The following KCTD1 variants were observed in gnomAD, a reference collection of about 807,000 sequenced individuals.
KCTD1 encodes BTB/POZ domain-containing protein KCTD1.
In KCTD1, 24 loss-of-function variants were observed where a neutral mutation model predicts 66.0. The observed-to-expected ratio is 0.36, with a 90% CI of 0.26 to 0.51. KCTD1 has a LOEUF of 0.51. Ranked by LOEUF, KCTD1 falls within the 20% of genes least tolerant of loss-of-function variation. The probability of loss-of-function intolerance (pLI) is 0.95; values close to 1 mark genes in which losing one functional copy is unlikely to be tolerated. For synonymous variants in KCTD1, 511 were observed against 517.2 expected, an observed-to-expected ratio of 0.99 and a Z score of 0.16; for missense variants, 943 against 1,205.2, an observed-to-expected ratio of 0.78 and a Z score of 3.22.
intron 1 of KCTD1, among the ~76,000 whole-genome samples, chr18:26,523,545 G>A (rs1009594268): frequency 6.6e-6 from 1 of 152,188 alleles, no homozygotes. Flanking sequence ...CAGCTACTCA[G>A]GAGGCTGAGG....
intron 1 of KCTD1, among the ~76,000 whole-genome samples, chr18:26,607,447 T>C (rs776634997): frequency 6.6e-6 from 1 of 152,250 alleles, no homozygotes; most frequent in Non-Finnish European, 1.5e-5. Context: ...ACCTATCCTA[T>C]GATGTGCACC....
At chr18:26,591,737 C>G (rs1986609041) in intron 1 of KCTD1, among the ~76,000 whole-genome samples, 1 of 152,186 alleles carries the variant, frequency 6.6e-6, no homozygotes, top group Non-Finnish European at 1.5e-5. Context: ...AATAAACAAT[C>G]TTGGGACACT....
Position 26,476,826 on chromosome 18 carries a change from G to A in KCTD1, c.1989-167C>T. ...GGTCCCCGCTTGATAAATATCTCAG[G>A]ACGAGACCATTCAAAATAGTCCTAG... On this transcript the variant is annotated intron_variant, in intron 2 of 4. Coordinates refer to ENST00000580059, the MANE Select transcript of KCTD1 (RefSeq NM_001142730.3). This position sits in a 1 kb window ranked among gnomAD's most constrained non-coding sequence, Gnocchi z 4.9. 1 of 602,250 alleles carries A rather than the reference G, an allele frequency of 1.7e-6. No individual in the cohort carries two copies. The highest frequency in any genetic ancestry group is 2.9e-6 in the Non-Finnish European group (1 of 346,432). 37.3% of individuals were successfully genotyped at this position (602,250 alleles called of 1,614,324 possible).
At chr18:26,652,175 A>G (rs1408199088) in intron 1 of KCTD1, among the ~76,000 whole-genome samples, 1 of 152,158 alleles carries the variant, frequency 6.6e-6, no homozygotes, top group East Asian at 1.9e-4. Context: ...TACTACTTAT[A>G]TGCACTTCAG....
At chr18:26,565,785 A>C (rs1985967988) in intron 1 of KCTD1, 2 of 151,728 alleles carry the variant, frequency 1.3e-5, no homozygotes, top group Admixed American at 1.3e-4. Context: ...TTAGCTCAGC[A>C]GTGGTTGCTA....
At chr18:26,614,843 T>A (rs1987215101) in intron 1 of KCTD1, among the ~76,000 whole-genome samples, 1 of 152,256 alleles carries the variant, frequency 6.6e-6, no homozygotes. Flanking sequence ...TGTACAGAGA[T>A]ACCTTTTCTC....
chr18:26,522,023 A>G (rs1983937310), intron 1 of KCTD1, among the ~76,000 whole-genome samples: 1 of 152,228 alleles, frequency 6.6e-6, no homozygotes, highest in Admixed American at 6.5e-5. Context: ...AAGCAAGCAC[A>G]AAATTTCACA....
At chr18:26,534,335 C>T (rs1984587794) in intron 1 of KCTD1, among the ~76,000 whole-genome samples, 1 of 152,006 alleles carries the variant, frequency 6.6e-6, no homozygotes, top group South Asian at 2.1e-4. Flanking sequence ...AGTACCTATA[C>T]CTATAATTTA....
chr18:26,550,727 GCA>G, upstream of KCTD1, among the ~76,000 whole-genome samples: 1 of 152,344 alleles, frequency 6.6e-6, no homozygotes, highest in Non-Finnish European at 1.5e-5. The surrounding 1 kb of genome is among the most constrained non-coding windows in gnomAD (Gnocchi z 5.4). Flanking sequence ...CTGGACACGT[GCA>G]GAAAGGCGTG....
intron 2 of KCTD1, among the ~76,000 whole-genome samples, chr18:26,494,359 A>C (rs1252078683): frequency 1.3e-5 from 2 of 152,230 alleles, no homozygotes; most frequent in Non-Finnish European, 2.9e-5. Context: ...TGACAGAGCA[A>C]GACCCTGTCT....
At chr18:26,598,488 A>ACACACACG (rs1986819584) in intron 1 of KCTD1, among the ~76,000 whole-genome samples, 2 of 151,756 alleles carry the variant, frequency 1.3e-5, no homozygotes, top group African/African-American at 2.4e-5. Flanking sequence ...ACACACACAC[A>ACACACACG]CACACACACG....
At chr18:26,616,129 T>C (rs187469487) in intron 1 of KCTD1, among the ~76,000 whole-genome samples, 266 of 146,648 alleles carry the variant, frequency 1.8e-3, no homozygotes, top group African/African-American at 6.3e-3. Flanking sequence ...CAATAATTTT[T>C]TTTAAGTGTT....
intron 2 of KCTD1, among the ~76,000 whole-genome samples, chr18:26,484,796 CT>C (rs1296166638): frequency 1.3e-5 from 2 of 152,114 alleles, no homozygotes; most frequent in Admixed American, 6.5e-5. Flanking sequence ...AGGCCTCCTG[CT>C]GGAGGCAATG....
intron 1 of KCTD1, chr18:26,600,065 C>T: frequency 6.2e-7 from 1 of 1,611,162 alleles, no homozygotes. Context: ...CTGCTGGATC[C>T]AGAAGATTTG....
At chr18:26,522,039 A>C (rs560568761) in intron 1 of KCTD1, among the ~76,000 whole-genome samples, 1 of 152,336 alleles carries the variant, frequency 6.6e-6, no homozygotes, top group South Asian at 2.1e-4. Context: ...TCACAACTGG[A>C]TGCTTAGCCA....
upstream of KCTD1, among the ~76,000 whole-genome samples, chr18:26,643,745 G>A (rs925803877): frequency 1.6e-4 from 25 of 152,222 alleles, 1 homozygote; most frequent in East Asian, 7.7e-4. Flanking sequence ...GGCATATCAC[G>A]AGGTCAGGAG....
chr18:26,647,333 C>CCG (rs1555649520), intron 1 of KCTD1, among the ~76,000 whole-genome samples: 11 of 112,358 alleles, frequency 9.8e-5, no homozygotes, highest in East Asian at 5.9e-4. Context: ...ATAGTGAAAC[C>CCG]CCCCCCCCAT....
intron 1 of KCTD1, chr18:26,575,140 G>A (rs1412459041): frequency 2.6e-5 from 4 of 151,988 alleles, no homozygotes; most frequent in African/African-American, 9.7e-5. Context: ...GAAAGAAACA[G>A]GTTTGAACAC....
chr18:26,610,345 G>C (rs939861615), intron 1 of KCTD1, among the ~76,000 whole-genome samples: 1 of 152,260 alleles, frequency 6.6e-6, no homozygotes, highest in South Asian at 2.1e-4. Context: ...GGCCAAGGCA[G>C]GTAGATTGCT....
Sources: allele counts gnomAD v4.1 joint callset (sites outside exome capture counted in the v4.1 genomes callset), GRCh38; gene constraint gnomAD v4.1.1; non-coding constraint Gnocchi (gnomAD v3.1); transcripts MANE v1.5; gene names NCBI Gene and HGNC (gene_info 2026-07-23, HGNC 2026-07-21).